LRP1B: variants seen among roughly 807,000 people sequenced by gnomAD.
LRP1B encodes the protein LDL receptor related protein 1B.
Under a neutral mutation model 556.6 loss-of-function variants are expected in LRP1B, and 217 were observed. That is an observed-to-expected ratio of 0.39 (90% CI 0.35 to 0.44). The LOEUF (loss-of-function observed/expected upper bound fraction) is 0.44, where lower values mean the gene tolerates loss of function less well. LRP1B is among the 20% of genes least tolerant of loss of function. The probability of loss-of-function intolerance (pLI) is 1.00; values close to 1 mark genes in which losing one functional copy is unlikely to be tolerated. For synonymous variants in LRP1B, 2,047 were observed against 1,865.8 expected, an observed-to-expected ratio of 1.10 and a Z score of -2.50; for missense variants, 5,053 against 5,620.8, an observed-to-expected ratio of 0.90 and a Z score of 3.23.
At chr2:141,134,642 A>G (rs1281354128) in intron 7 of LRP1B, among the ~76,000 whole-genome samples, 2 of 151,776 alleles carry the variant, frequency 1.3e-5, no homozygotes, top group Non-Finnish European at 2.9e-5. Flanking sequence ...AATAAAGTAC[A>G]TAGTACATTG....
intron 29 of LRP1B, among the ~76,000 whole-genome samples, chr2:140,846,561 T>TA (rs1236519923): frequency 6.6e-6 from 1 of 150,926 alleles, no homozygotes; most frequent in Admixed American, 6.6e-5. Flanking sequence ...ACTTCTAAAA[T>TA]AAAAAAGAAA....
chr2:141,882,531 A>G (rs965723139), intron 1 of LRP1B, among the ~76,000 whole-genome samples: 1 of 152,138 alleles, frequency 6.6e-6, no homozygotes, highest in African/African-American at 2.4e-5. Context: ...ATAATAAACT[A>G]AGTTTTTAAA....
intron 1 of LRP1B, among the ~76,000 whole-genome samples, chr2:141,883,357 G>C (rs1558938400): frequency 6.6e-6 from 1 of 152,156 alleles, no homozygotes; most frequent in African/African-American, 2.4e-5. Context: ...ATTTTAATTA[G>C]TTGGGAGAAA....
chr2:140,260,682 T>A (rs2104925566), intron 86 of LRP1B, among the ~76,000 whole-genome samples: 1 of 151,936 alleles, frequency 6.6e-6, no homozygotes, highest in African/African-American at 2.4e-5. Flanking sequence ...TATAGCCAGA[T>A]GGCCCATTCC....
chr2:140,868,488 C>A (rs182445179), intron 25 of LRP1B, among the ~76,000 whole-genome samples: 1 of 151,700 alleles, frequency 6.6e-6, no homozygotes, highest in Non-Finnish European at 1.5e-5. Flanking sequence ...AAAAAAATTG[C>A]TATGAGAGAG....
intron 29 of LRP1B, among the ~76,000 whole-genome samples, chr2:140,847,163 C>T (rs1249432320): frequency 6.6e-6 from 1 of 152,186 alleles, no homozygotes; most frequent in African/African-American, 2.4e-5. Context: ...GCCACTGTAA[C>T]AGCCAACTAA....
rs1175411040 is a variant in LRP1B at position 140,748,799 on chromosome 2, C to T, written c.5758+20414G>A. Among the ~76,000 whole-genome samples the T allele has an allele frequency of 6.7e-3, 124 of 18,412 alleles. 6 individuals carry two copies. The highest frequency in any genetic ancestry group is 0.019 in the African/African-American group (116 of 6,078). The allele number at this position is 18,412 out of a possible 152,430, so 12.1% of individuals were successfully genotyped here. A position where few individuals can be genotyped will look rare whatever the true frequency, so the allele number is the denominator to read the frequency against. On this transcript the variant is annotated intron_variant, in intron 35 of 90. Coordinates refer to ENST00000389484, the MANE Select transcript of LRP1B (RefSeq NM_018557.3). The stretch of plus-strand genomic sequence containing the variant: ...ATATGTATATAATATATATTATATA[C>T]ATATTATATACATGTATATAATATA...
chr2:140,813,838 G>C (rs777954993), intron 31 of LRP1B, 32 bp from the exon 32 acceptor site: 1 of 1,507,836 alleles, frequency 6.6e-7, no homozygotes, highest in Admixed American at 1.8e-5. Context: ...TAAACATAAT[G>C]ATAGCCACTT....
At chr2:140,429,919 G>A (rs1685845390) in intron 66 of LRP1B, among the ~76,000 whole-genome samples, 3 of 151,916 alleles carry the variant, frequency 2.0e-5, no homozygotes, top group Admixed American at 6.6e-5. Context: ...TCTGCTCCCC[G>A]GCTCCTTCAG....
chr2:140,469,569 T>A (rs1013546910), intron 60 of LRP1B, among the ~76,000 whole-genome samples: 1 of 152,240 alleles, frequency 6.6e-6, no homozygotes, highest in African/African-American at 2.4e-5. Flanking sequence ...TGCTTTCTTT[T>A]ATAGTAATTA....
At chr2:141,387,351 CA>C (rs1689868752) in intron 3 of LRP1B, among the ~76,000 whole-genome samples, 1 of 151,752 alleles carries the variant, frequency 6.6e-6, no homozygotes, top group South Asian at 2.1e-4. Flanking sequence ...AATGACAGAA[CA>C]TATAGGAAAA....
chr2:140,356,443 T>C lies in LRP1B; in HGVS notation c.11429A>G (p.Asn3810Ser). Residue 3810 changes from asparagine (N) to serine (S), a missense_variant, in exon 75 of 91, where the codon AAT (asparagine) becomes AGT (serine). Physicochemically the swap from Asn to Ser is conservative, Grantham distance 46. Coordinates refer to ENST00000389484, the MANE Select transcript of LRP1B (RefSeq NM_018557.3). ...ACAATATGCATCATCTCCACATGGATTCACATTATCTTCACAGGTATATTC... is the reference window on the plus strand; with the variant it reads ...ACAATATGCATCATCTCCACATGGACTCACATTATCTTCACAGGTATATTC... ...PTEYTCEDNVNPCGDDAYCNQ... is the reference protein window; with the variant it reads ...PTEYTCEDNVSPCGDDAYCNQ... 6.2e-7 allele frequency: 1 copy of C among 1,607,574 alleles called. No individual in the cohort carries two copies.
In LRP1B at chr2:141,019,969, C is replaced by G. The variant is rs2105396714; in HGVS notation, c.1923G>C (p.Glu641Asp). Reference protein sequence around the residue: ...KASQSRKTLLEGEMSHPRGIV... With the variant: ...KASQSRKTLLDGEMSHPRGIV... ...TTCCTCTGGGATGAGACATTTCACC[C>G]TCTAAAAGAGTCTTCCGACTCTGAG... is the stretch of plus-strand genomic sequence containing the variant. The change falls in exon 12 of 91, where the codon GAG becomes GAC. Residue 641 changes from glutamate (E) to aspartate (D), a missense_variant. Around this residue, in one of 5 missense-constraint regions of LRP1B, gnomAD observed 3,619 missense variants for 3,931.9 expected, o/e 0.92. Coordinates refer to ENST00000389484, the MANE Select transcript of LRP1B (RefSeq NM_018557.3). The G allele has an allele frequency of 6.2e-7, 1 of 1,611,582 alleles. No individual in the cohort carries two copies. Among genetic ancestry groups the G allele is most frequent in the Non-Finnish European group, 8.5e-7 (1 of 1,178,434 alleles).
chr2:141,252,510 T>C (rs1478785498), intron 4 of LRP1B, among the ~76,000 whole-genome samples: 1 of 152,208 alleles, frequency 6.6e-6, no homozygotes, highest in Non-Finnish European at 1.5e-5. Context: ...GAGCTAAGTC[T>C]ACAGTAATAC....
chr2:141,352,629 C>G (rs1688487187), intron 3 of LRP1B, among the ~76,000 whole-genome samples: 1 of 151,286 alleles, frequency 6.6e-6, no homozygotes, highest in Non-Finnish European at 1.5e-5. Flanking sequence ...AGATGCTTAC[C>G]CAAAAAAGTG....
chr2:141,968,764 G>T (rs1701636940), intron 1 of LRP1B, among the ~76,000 whole-genome samples: 1 of 151,554 alleles, frequency 6.6e-6, no homozygotes, highest in Non-Finnish European at 1.5e-5. Context: ...CCCTTGCTCT[G>T]GTTTGGTGGT....
At chr2:141,395,700 G>A (rs1407406992) in intron 3 of LRP1B, among the ~76,000 whole-genome samples, 3 of 152,082 alleles carry the variant, frequency 2.0e-5, no homozygotes, top group Non-Finnish European at 1.5e-5. Context: ...AAAAGGTAAG[G>A]AGAGAAAAGA....
chr2:140,351,756 A>T (rs530525521), intron 76 of LRP1B, among the ~76,000 whole-genome samples: 2 of 152,058 alleles, frequency 1.3e-5, no homozygotes, highest in African/African-American at 2.4e-5. Flanking sequence ...TTCTGCAAAT[A>T]AATAATAATA....
chr2:141,484,908 T>C (rs1683065158), intron 2 of LRP1B, among the ~76,000 whole-genome samples: 1 of 152,136 alleles, frequency 6.6e-6, no homozygotes, highest in African/African-American at 2.4e-5. Flanking sequence ...GCAAGATTTT[T>C]TTAAAAGTGA....
Sources: gnomAD v4.1 joint callset for allele counts (sites outside exome capture counted in the v4.1 genomes callset) on GRCh38, gnomAD v4.1.1 for gene constraint, gnomAD v4.1.1 regional missense constraint, MANE v1.5 for transcripts, NCBI Gene and HGNC (gene_info 2026-07-23, HGNC 2026-07-21) for gene names.